PARD3B: variants seen among roughly 807,000 people sequenced by gnomAD.
PARD3B encodes par-3 family cell polarity regulator beta, also known as partitioning defective 3 homolog B.
PARD3B carries 103 observed loss-of-function variants against 130.2 expected under a neutral mutation model. The ratio of observed to expected loss-of-function variants is 0.79; its 90% CI spans 0.67 to 0.93. The LOEUF is 0.93. Ranked by LOEUF, PARD3B falls within the 40% of genes least tolerant of loss-of-function variation. The pLI is 0.00. For missense variants in PARD3B, 1,609 were observed against 1,499.2 expected (o/e 1.07, Z -1.21); for synonymous variants, 583 against 553.2 (o/e 1.05, Z -0.76).
At chr2:205,156,563 G>A (rs902706236) in intron 10 of PARD3B, among the ~76,000 whole-genome samples, 9 of 150,876 alleles carry the variant, frequency 6.0e-5, no homozygotes, top group Non-Finnish European at 1.0e-4. Context: ...AAGAGAGTCT[G>A]ACATAGGAAC....
chr2:204,582,458 A>G (rs1045116247), intron 1 of PARD3B, among the ~76,000 whole-genome samples: 1 of 151,970 alleles, frequency 6.6e-6, no homozygotes, highest in Non-Finnish European at 1.5e-5. Context: ...TTTCTTGACT[A>G]TCAAGAAAGA....
chr2:205,377,016 G>A (rs1254728298), intron 18 of PARD3B, among the ~76,000 whole-genome samples: 1 of 152,164 alleles, frequency 6.6e-6, no homozygotes, highest in Admixed American at 6.5e-5. Context: ...AATAGCTAAT[G>A]TTAACTGAGC....
chr2:205,536,465 C>A (rs1024810388), intron 21 of PARD3B, among the ~76,000 whole-genome samples: 1 of 152,116 alleles, frequency 6.6e-6, no homozygotes. Flanking sequence ...ATGGGTTGTT[C>A]CCCACGGTTG....
intron 2 of PARD3B, among the ~76,000 whole-genome samples, chr2:204,719,143 A>G (rs1041753009): frequency 2.6e-5 from 4 of 152,318 alleles, no homozygotes; most frequent in Admixed American, 2.6e-4. Flanking sequence ...TTCTTAATAT[A>G]TGGCTTCATT....
chr2:205,104,404 T>C, intron 4 of PARD3B, 22 bp from the exon 5 acceptor site: 1 of 1,518,422 alleles, frequency 6.6e-7, no homozygotes, highest in Non-Finnish European at 9.1e-7. Flanking sequence ...CATCACATGC[T>C]TATGACTTTG....
intron 22 of PARD3B, among the ~76,000 whole-genome samples, chr2:205,573,176 A>G (rs2053619746): frequency 6.6e-6 from 1 of 152,150 alleles, no homozygotes; most frequent in Non-Finnish European, 1.5e-5. Context: ...GGGATTATGG[A>G]AACTATAGTT....
At chr2:205,449,228 C>CT (rs1231722647) in intron 20 of PARD3B, among the ~76,000 whole-genome samples, 133 of 143,794 alleles carry the variant, frequency 9.2e-4, no homozygotes, top group East Asian at 3.9e-3. Flanking sequence ...TTAGAGACCG[C>CT]TTTTTTTTTT....
chr2:204,744,354 A>G (rs1383450637), intron 2 of PARD3B, among the ~76,000 whole-genome samples: 4 of 152,180 alleles, frequency 2.6e-5, no homozygotes, highest in Non-Finnish European at 5.9e-5. Context: ...AACGAGGCCA[A>G]AGCAAACAAA....
intron 1 of PARD3B, among the ~76,000 whole-genome samples, chr2:204,671,977 C>T (rs2036325176): frequency 6.6e-6 from 1 of 152,138 alleles, no homozygotes; most frequent in South Asian, 2.1e-4. Context: ...TTTTTAGCAT[C>T]TTTCTTTATA....
rs56654511 is a variant in PARD3B at position 205,331,782 on chromosome 2, C to CAAAAAAAAAAAAAA, written c.2630+30091_2630+30104dup. 5.2e-3 allele frequency among the ~76,000 whole-genome samples: 254 copies of CAAAAAAAAAAAAAA among 48,388 alleles called. 45 individuals carry two copies. Among genetic ancestry groups the CAAAAAAAAAAAAAA allele is most frequent in the African/African-American group, 0.022 (203 of 9,294 alleles). 31.7% of individuals were successfully genotyped at this position (48,388 alleles called of 152,430 possible). On this transcript the variant is annotated intron_variant, in intron 18 of 22. Coordinates refer to ENST00000406610, the MANE Select transcript of PARD3B (RefSeq NM_001302769.2). Reference sequence around the variant, plus strand: ...TGGGCGACAGAGTGAGACTCCGTCTCAAAAAAAAAAAAAAAAAAAAAAAGA... The same window carrying CAAAAAAAAAAAAAA: ...TGGGCGACAGAGTGAGACTCCGTCTCAAAAAAAAAAAAAAAAAAAAAAAAAAAAAAAAAAAAAGA...
chr2:205,323,914 A>G (rs566860549), intron 18 of PARD3B, among the ~76,000 whole-genome samples: 5 of 152,260 alleles, frequency 3.3e-5, no homozygotes, highest in South Asian at 2.1e-4. Context: ...CCTCCCCAAC[A>G]TAAGAATTAT....
At chr2:205,255,467 T>C (rs1395697108) in intron 16 of PARD3B, among the ~76,000 whole-genome samples, 1 of 152,088 alleles carries the variant, frequency 6.6e-6, no homozygotes, top group Admixed American at 6.5e-5. Context: ...ATAATTCAAT[T>C]CAATTCTGAC....
chr2:205,005,684 A>G (rs1695205791), intron 3 of PARD3B, among the ~76,000 whole-genome samples: 1 of 152,234 alleles, frequency 6.6e-6, no homozygotes, highest in Admixed American at 6.5e-5. Context: ...GTTTAAAAAT[A>G]CAAAGTATAA....
At chr2:205,399,475 C>T (rs2046163572) in intron 18 of PARD3B, among the ~76,000 whole-genome samples, 1 of 151,632 alleles carries the variant, frequency 6.6e-6, no homozygotes. Flanking sequence ...CTGCCTCAGC[C>T]TTCTGAGTAA....
At chr2:205,335,678 A>T (rs554673339) in intron 18 of PARD3B, among the ~76,000 whole-genome samples, 4 of 152,102 alleles carry the variant, frequency 2.6e-5, no homozygotes, top group South Asian at 2.1e-4. Flanking sequence ...TTACAGTTCT[A>T]CGTGGCTGGG....
chr2:205,417,438 T>G (rs1023776096), intron 19 of PARD3B, among the ~76,000 whole-genome samples: 4 of 152,198 alleles, frequency 2.6e-5, no homozygotes, highest in African/African-American at 9.7e-5. Flanking sequence ...CCTTTGGGTA[T>G]ATGCCCAGTA....
chr2:204,736,879 A>G (rs1056115012), intron 2 of PARD3B, among the ~76,000 whole-genome samples: 1 of 152,160 alleles, frequency 6.6e-6, no homozygotes, highest in East Asian at 1.9e-4. Context: ...GGTTGTACTA[A>G]TTTACATTCC....
At chr2:205,027,074 A>C (rs1452053307) in intron 3 of PARD3B, among the ~76,000 whole-genome samples, 1 of 152,162 alleles carries the variant, frequency 6.6e-6, no homozygotes, top group Non-Finnish European at 1.5e-5. Context: ...ATTCCTTTGG[A>C]TATATGGCTG....
chr2:205,155,515 TA>T (rs1559491922), intron 10 of PARD3B, among the ~76,000 whole-genome samples: 1 of 151,786 alleles, frequency 6.6e-6, no homozygotes, highest in East Asian at 1.9e-4. Flanking sequence ...GAGTAAACTT[TA>T]AAAAAAATGA....
Sources: gnomAD v4.1 joint callset for allele counts (sites outside exome capture counted in the v4.1 genomes callset) on GRCh38, gnomAD v4.1.1 for gene constraint, MANE v1.5 for transcripts, NCBI Gene and HGNC (gene_info 2026-07-23, HGNC 2026-07-21) for gene names.